Variants in PACSIN3 observed in about 807,000 individuals in gnomAD.
The protein encoded by PACSIN3 is protein kinase C and casein kinase substrate in neurons 3.
Under a neutral mutation model 56.1 loss-of-function variants are expected in PACSIN3, and 34 were observed. The ratio of observed to expected loss-of-function variants is 0.61; its 90% CI spans 0.46 to 0.81. The LOEUF (loss-of-function observed/expected upper bound fraction) is 0.81. PACSIN3 is among the 30% of genes least tolerant of loss of function. PACSIN3 has a pLI of 0.00. For missense variants in PACSIN3, 535 were observed against 592.4 expected, an observed-to-expected ratio of 0.90 and a Z score of 1.01; for synonymous variants, 218 against 229.8, an observed-to-expected ratio of 0.95 and a Z score of 0.46.
chr11:47,182,143 C>CAA (rs372259328), intron 4 of PACSIN3, among the ~76,000 whole-genome samples: 3 of 54,532 alleles, frequency 5.5e-5, no homozygotes, highest in African/African-American at 1.4e-4. Context: ...CAAAACGTCT[C>CAA]AAAAAAAAAA....
Position 47,177,817 on chromosome 11 carries a change from G to A in PACSIN3, c.*114C>T. 1 of 810,898 alleles carries A rather than the reference G, an allele frequency of 1.2e-6. No individual in the cohort carries two copies. The highest frequency in any genetic ancestry group is 2.1e-6 in the Non-Finnish European group (1 of 476,302). 50.2% of individuals were successfully genotyped at this position (810,898 alleles called of 1,614,324 possible). A position where few individuals can be genotyped will look rare whatever the true frequency, so the allele number is the denominator to read the frequency against. ...GGGTCCCAGGACTTCCTCCCTCAAG[G>A]GACAGAGGAGCAGCCAGAGAGCGAC... is the stretch of plus-strand genomic sequence containing the variant. On this transcript the variant is annotated 3_prime_UTR_variant, in exon 11 of 11. Coordinates refer to ENST00000298838, the MANE Select transcript of PACSIN3 (RefSeq NM_016223.5).
In PACSIN3 at chr11:47,179,040, C is replaced by T; in HGVS notation, c.901-10G>A. The T allele has an allele frequency of 6.2e-7, 1 of 1,614,148 alleles. No homozygotes were observed. Among genetic ancestry groups the T allele is most frequent in the South Asian group, 1.1e-5 (1 of 91,082 alleles). On this transcript the variant is annotated splice_polypyrimidine_tract_variant and intron_variant, in intron 8 of 10. Transcript: ENST00000298838. This position sits in a 1 kb window ranked among gnomAD's most constrained non-coding sequence, Gnocchi z 4.4. ...TGTCCAAGGACCACTCCTGTGGGGA[C>T]AGTGCTTATAGTCAGGTGGGGCCAT... is the stretch of plus-strand genomic sequence containing the variant.
At chr11:47,180,869 T>C (rs1263865804) in intron 4 of PACSIN3, among the ~76,000 whole-genome samples, 179 bp from the exon 5 acceptor site, 1 of 152,256 alleles carries the variant, frequency 6.6e-6, no homozygotes, top group South Asian at 2.1e-4. Flanking sequence ...ACTGACTCCT[T>C]GTCTCAGCCA....
In PACSIN3 at chr11:47,182,484, G is replaced by C. The variant is rs145307845; in HGVS notation, c.130C>G (p.Gln44Glu). The C allele has an allele frequency of 4.3e-6, 7 of 1,610,410 alleles. No individual in the cohort carries two copies. The highest frequency in any genetic ancestry group is 5.9e-6 in the Non-Finnish European group (7 of 1,179,996). The change falls in exon 4 of 11, where the codon CAG becomes GAG. Residue 44 changes from glutamine to glutamate, a missense_variant. By Grantham distance (29) the Gln-to-Glu change is conservative. Coordinates refer to ENST00000298838, the MANE Select transcript of PACSIN3 (RefSeq NM_016223.5). ...RLCGDLVSCF[Q>E]ERARIEKAYA... The stretch of plus-strand genomic sequence containing the variant: ...GCCTTCTCGATGCGGGCGCGCTCCT[G>C]GAAGCAGCTGACCAGGTCCCCGCAC...
rs1329053685 is a variant in PACSIN3 at position 47,179,803 on chromosome 11, T to C, written c.604-217A>G. On this transcript the variant is annotated intron_variant, in intron 6 of 10. Transcript: ENST00000298838. The surrounding 1 kb of genome is among the most constrained non-coding windows in gnomAD (Gnocchi z 4.4). ...TAAAAGAGTCTGGTGAGGATTGAAA[T>C]GAGGTCAACCTACAGGAAAGGATGG... The C allele has an allele frequency of 8.6e-6, 5 of 578,232 alleles. No individual in the cohort carries two copies. The East Asian group carries it at 1.4e-4, about 16-fold the overall frequency. The allele number at this position is 578,232 out of a possible 1,614,324, so 35.8% of individuals were successfully genotyped here.
rs1456322649 is a variant in PACSIN3, at chr11:47,178,942, G to A, written c.989C>T (p.Pro330Leu). Reference protein sequence around the residue: ...PDEVTLTSIVPTRDGTAPPPQ... With the variant: ...PDEVTLTSIVLTRDGTAPPPQ... ...TGGGGGTGCGGTGCCATCTCTTGTA[G>A]GCACAATGCTGGTCAGGGTAACCTC... is the stretch of plus-strand genomic sequence containing the variant. Residue 330 changes from proline to leucine, a missense_variant, in exon 9 of 11, where the codon CCT (proline) becomes CTT (leucine). Coordinates refer to ENST00000298838, the MANE Select transcript of PACSIN3 (RefSeq NM_016223.5). The surrounding 1 kb of genome is among the most constrained non-coding windows in gnomAD (Gnocchi z 4.2). 5 of 1,613,924 alleles carry A rather than the reference G, an allele frequency of 3.1e-6. No homozygotes were observed. The highest frequency in any genetic ancestry group is 1.6e-4 in the Middle Eastern group (1 of 6,084).
rs776085112 is a variant in PACSIN3 at position 47,178,868 on chromosome 11, G to A, written c.1037+26C>T. On this transcript the variant is annotated intron_variant, in intron 9 of 10. Coordinates refer to ENST00000298838, the MANE Select transcript of PACSIN3 (RefSeq NM_016223.5). The surrounding 1 kb of genome is among the most constrained non-coding windows in gnomAD (Gnocchi z 4.2). ...GGGCGGGAGGCAGAGCTGTTTCTTT[G>A]CCACAGCCGCGCTCCTGGCTCTCAC... 1.1e-5 allele frequency: 17 copies of A among 1,612,606 alleles called. No individual in the cohort carries two copies. The East Asian group carries it at 3.6e-4, about 34-fold the overall frequency.
chr11:47,184,650 C>T (rs1299350764), intron 1 of PACSIN3, among the ~76,000 whole-genome samples: 1 of 152,216 alleles, frequency 6.6e-6, no homozygotes, highest in African/African-American at 2.4e-5. Context: ...CCGCGGAGAC[C>T]CAGGCAATGG....
rs147818380 is a variant in PACSIN3 at position 47,179,263 on chromosome 11, G to A, written c.796C>T (p.Arg266Cys). Residue 266 changes from arginine (R) to cysteine (C), a missense_variant, in exon 8 of 11, where the codon CGT (arginine) becomes TGT (cysteine). Physicochemically the swap from Arg to Cys is radical, Grantham distance 180 (BLOSUM62 -3). Transcript: ENST00000298838. The surrounding 1 kb of genome is among the most constrained non-coding windows in gnomAD (Gnocchi z 4.4). ...SSSEKFHELH[R>C]DLHQGIEAAS... ...GCCTCAATGCCCTGGTGCAAGTCAC[G>A]GTGGAGTTCATGGAACCTATGACCC... 1.9e-5 allele frequency: 31 copies of A among 1,613,908 alleles called. No individual in the cohort carries two copies. Among genetic ancestry groups the A allele is most frequent in the Non-Finnish European group, 2.2e-5 (26 of 1,180,030 alleles).
Position 47,178,168 on chromosome 11 carries a change from G to T in PACSIN3, c.1160-122C>A. On this transcript the variant is annotated intron_variant, in intron 10 of 10. Transcript: ENST00000298838. The surrounding 1 kb of genome is among the most constrained non-coding windows in gnomAD (Gnocchi z 4.2). ...CCCAGCTAGCAAAGACATGGCTCAG[G>T]CAGAGGCAGGTCAAGGTCAGCAAGC... The T allele has an allele frequency of 8.6e-7, 1 of 1,161,374 alleles. No individual in the cohort carries two copies. Among genetic ancestry groups the T allele is most frequent in the South Asian group, 1.4e-5 (1 of 72,812 alleles). 71.9% of individuals were successfully genotyped at this position (1,161,374 alleles called of 1,614,324 possible).
rs1309976465 is a variant in PACSIN3, at chr11:47,180,174, T to C, written c.603+12A>G. On this transcript the variant is annotated intron_variant, in intron 6 of 10. Coordinates refer to ENST00000298838, the MANE Select transcript of PACSIN3 (RefSeq NM_016223.5). ...CTGGGCGGGGGCCAGGGCTGGGACC[T>C]GTGGCCTGTACCTTCTCGGCCTCCT... is the stretch of plus-strand genomic sequence containing the variant. 2.5e-6 allele frequency: 4 copies of C among 1,600,714 alleles called. No individual in the cohort carries two copies. The highest frequency in any genetic ancestry group is 3.4e-6 in the Non-Finnish European group (4 of 1,179,154).
Position 47,180,647 on chromosome 11 carries a change from GA to G in PACSIN3, c.254del (p.Phe85SerfsTer7), listed in dbSNP as rs1416716404. On this transcript the variant is annotated frameshift_variant, in exon 5 of 11. Coordinates refer to ENST00000298838, the MANE Select transcript of PACSIN3 (RefSeq NM_016223.5). LOFTEE classifies it high-confidence loss of function. ...GTLEKAWHAF[F>X]TAAERLSALH... ...GCGCGCTCAGCCGCTCAGCCGCCGT[GA>G]AAAAGGCATGCCAGGCCTTCTCCAG... The G allele has an allele frequency of 2.5e-6, 4 of 1,603,644 alleles. No individual in the cohort carries two copies.
chr11:47,178,826 A>C lies in PACSIN3; in HGVS notation c.1037+68T>G. 6.3e-7 allele frequency: 1 copy of C among 1,583,226 alleles called. No homozygotes were observed. Among genetic ancestry groups the C allele is most frequent in the South Asian group, 1.1e-5 (1 of 89,608 alleles). ...TTTCAGGTGTGAAAGAAATGAAACC[A>C]AGGAGAAAGGAAAGGAGGGCGGGAG... On this transcript the variant is annotated intron_variant, in intron 9 of 10. Coordinates refer to ENST00000298838, the MANE Select transcript of PACSIN3 (RefSeq NM_016223.5). The surrounding 1 kb of genome is among the most constrained non-coding windows in gnomAD (Gnocchi z 4.2).
intron 4 of PACSIN3, among the ~76,000 whole-genome samples, chr11:47,181,237 A>G (rs1353606558): frequency 1.3e-5 from 2 of 150,916 alleles, no homozygotes; most frequent in African/African-American, 2.5e-5. Context: ...ACTCCAGCCT[A>G]GGTGACAGAG....
Position 47,180,536 on chromosome 11 carries a change from C to T in PACSIN3, c.366G>A (p.Val122=). 6.2e-7 allele frequency: 1 copy of T among 1,604,186 alleles called. No homozygotes were observed. The highest frequency in any genetic ancestry group is 8.5e-7 in the Non-Finnish European group (1 of 1,179,556). ...CCCGGCTCTCGCGGAAGCCGCCCAG[C>T]ACAGGCCGGTGGAAAGCCCCCCGCT... is the stretch of plus-strand genomic sequence containing the variant. ...AWQRGAFHRP[V]LGGFRESRAA... The change falls in exon 5 of 11, where the codon GTG becomes GTA. Residue 122 remains valine (V), a synonymous_variant. Coordinates refer to ENST00000298838, the MANE Select transcript of PACSIN3 (RefSeq NM_016223.5).
rs372177798 is a variant in PACSIN3, at chr11:47,178,844, G to A, written c.1037+50C>T. The A allele has an allele frequency of 1.4e-5, 22 of 1,606,024 alleles. No homozygotes were observed. In the African/African-American group the frequency reaches 2.8e-4, roughly 21 times the overall value. ...TGAAACCAAGGAGAAAGGAAAGGAG[G>A]GCGGGAGGCAGAGCTGTTTCTTTGC... On this transcript the variant is annotated intron_variant, in intron 9 of 10. Coordinates refer to ENST00000298838, the MANE Select transcript of PACSIN3 (RefSeq NM_016223.5). This position sits in a 1 kb window ranked among gnomAD's most constrained non-coding sequence, Gnocchi z 4.2.
chr11:47,177,999 G>T lies in PACSIN3; in HGVS notation c.1207C>A (p.Gln403Lys). ...MSEEDEQGWCQGQLQSGRIGL... is the reference protein window; with the variant it reads ...MSEEDEQGWCKGQLQSGRIGL... ...ATGCGGCCACTCTGCAACTGGCCTT[G>T]GCACCAGCCCTGCTCGTCCTCCTCA... Residue 403 changes from glutamine (Q) to lysine (K), a missense_variant, in exon 11 of 11, where the codon CAA becomes AAA. Coordinates refer to ENST00000298838, the MANE Select transcript of PACSIN3 (RefSeq NM_016223.5). 2 of 1,614,122 alleles carry T rather than the reference G, an allele frequency of 1.2e-6. No homozygotes were observed. The highest frequency in any genetic ancestry group is 1.7e-6 in the Non-Finnish European group (2 of 1,179,982).
Position 47,178,580 on chromosome 11 carries a change from C to A in PACSIN3, c.1038-93G>T. 1 of 1,486,592 alleles carries A rather than the reference C, an allele frequency of 6.7e-7. No individual in the cohort carries two copies. Among genetic ancestry groups the A allele is most frequent in the Non-Finnish European group, 9.1e-7 (1 of 1,102,576 alleles). The allele number at this position is 1,486,592 out of a possible 1,614,324, so 92.1% of individuals were successfully genotyped here. On this transcript the variant is annotated intron_variant, in intron 9 of 10. Coordinates refer to ENST00000298838, the MANE Select transcript of PACSIN3 (RefSeq NM_016223.5). The surrounding 1 kb of genome is among the most constrained non-coding windows in gnomAD (Gnocchi z 4.2). ...ATCAGGGCAAAGGCCTCCCTACCCC[C>A]AGAGGCACCTGGGAGAGTCAGGTGA...
Position 47,180,579 on chromosome 11 carries a change from T to C in PACSIN3, c.323A>G (p.Glu108Gly), listed in dbSNP as rs116698581. 2,036 of 1,604,700 alleles carry C rather than the reference T, an allele frequency of 1.3e-3. 20 individuals carry two copies. The African/African-American group carries it at 0.023, about 18-fold the overall frequency. Residue 108 changes from glutamate to glycine, a missense_variant, in exon 5 of 11, where the codon GAG (glutamate) becomes GGG (glycine). Coordinates refer to ENST00000298838, the MANE Select transcript of PACSIN3 (RefSeq NM_016223.5). ...VREKLQGQDS[E>G]RVRAWQRGAF... is the part of the protein sequence containing the mutation. ...CCCCCGCTGCCAGGCGCGCACCCGC[T>C]CACTGTCCTGCCCTTGCAGCTTCTC...
Sources: allele counts gnomAD v4.1 joint callset (sites outside exome capture counted in the v4.1 genomes callset), GRCh38; gene constraint gnomAD v4.1.1; non-coding constraint Gnocchi (gnomAD v3.1); transcripts MANE v1.5; gene names NCBI Gene and HGNC (gene_info 2026-07-23, HGNC 2026-07-21).